Variants in RASGEF1C observed in about 807,000 individuals in gnomAD.
RASGEF1C encodes RasGEF domain family member 1C.
RASGEF1C carries 27 observed loss-of-function variants against 58.1 expected under a neutral mutation model. The observed-to-expected ratio is 0.46, with a 90% CI of 0.34 to 0.64. RASGEF1C has a LOEUF of 0.64. Among genes scored for constraint, RASGEF1C ranks in the 30% least tolerant of loss-of-function variants. The probability of loss-of-function intolerance (pLI) is 0.01; values close to 1 mark genes in which losing one functional copy is unlikely to be tolerated. For missense variants in RASGEF1C, 502 were observed against 605.1 expected (o/e 0.83, Z 1.79); for synonymous variants, 243 against 246.3 (o/e 0.99, Z 0.13).
At chr5:180,140,970 A>G (rs1384553497) in intron 1 of RASGEF1C, among the ~76,000 whole-genome samples, 1 of 152,220 alleles carries the variant, frequency 6.6e-6, no homozygotes, top group South Asian at 2.1e-4. Flanking sequence ...GGGAGTGTGC[A>G]GAGTGATCAG....
At chr5:180,103,239 G>A (rs547454063) in intron 12 of RASGEF1C, among the ~76,000 whole-genome samples, 6 of 152,090 alleles carry the variant, frequency 3.9e-5, no homozygotes, top group Non-Finnish European at 7.4e-5. Context: ...CACCACGCCC[G>A]GCTAATGTTT....
chr5:180,179,204 G>T (rs1767280267), intron 1 of RASGEF1C, among the ~76,000 whole-genome samples: 1 of 152,144 alleles, frequency 6.6e-6, no homozygotes, highest in Non-Finnish European at 1.5e-5. Flanking sequence ...ATGTTTGGAT[G>T]CAGGAGGGGG....
intron 1 of RASGEF1C, among the ~76,000 whole-genome samples, chr5:180,173,877 C>G (rs540193287): frequency 2.7e-5 from 4 of 150,104 alleles, no homozygotes; most frequent in South Asian, 2.1e-4. Context: ...TGTGCCACTG[C>G]ACTCCAGCCT....
rs542896802 is a variant in RASGEF1C, at chr5:180,189,269, C to T, written c.-7+19759G>A. Among the ~76,000 whole-genome samples, 32 of 152,286 alleles carry T rather than the reference C, an allele frequency of 2.1e-4. No individual in the cohort carries two copies. The South Asian group carries it at 3.9e-3, about 19-fold the overall frequency. ...GCTGTAGATGGAAAACTGCAAAATA[C>T]GGCTGAGAGAAATTAAACACGTAAG... On this transcript the variant is annotated intron_variant, in intron 1 of 13. Transcript: ENST00000361132.
chr5:180,162,790 A>G (rs373139841), intron 1 of RASGEF1C, among the ~76,000 whole-genome samples: 37 of 152,298 alleles, frequency 2.4e-4, no homozygotes, highest in Admixed American at 1.6e-3. Flanking sequence ...TGGGAACTGC[A>G]TTACATATGT....
Position 180,137,624 on chromosome 5 carries a change from T to TCG in RASGEF1C, c.264_265dup (p.Glu89AlafsTer121). ...CACCGGCTTGTCCAGCTGCTGCTGC[T>TCG]CGATGCACAGGTGGCAGACCCGGGC... On this transcript the variant is annotated frameshift_variant, in exon 3 of 14. Coordinates refer to ENST00000361132, the MANE Select transcript of RASGEF1C (RefSeq NM_175062.4). LOFTEE classifies it high-confidence loss of function. This position sits in a 1 kb window ranked among gnomAD's most constrained non-coding sequence, Gnocchi z 4.1. The TCG allele has an allele frequency of 6.2e-7, 1 of 1,611,480 alleles. No individual in the cohort carries two copies. Among genetic ancestry groups the TCG allele is most frequent in the Non-Finnish European group, 8.5e-7 (1 of 1,179,654 alleles).
intron 1 of RASGEF1C, among the ~76,000 whole-genome samples, chr5:180,149,818 T>A (rs1195329674): frequency 1.3e-5 from 2 of 152,238 alleles, no homozygotes; most frequent in Admixed American, 1.3e-4. Context: ...TATTTGTTGT[T>A]GTATTTTCCA....
chr5:180,168,942 G>C lies in RASGEF1C; in HGVS notation c.-6-30884C>G, dbSNP rs1224665611. On this transcript the variant is annotated intron_variant, in intron 1 of 13. Coordinates refer to ENST00000361132, the MANE Select transcript of RASGEF1C (RefSeq NM_175062.4). The surrounding 1 kb of genome is among the most constrained non-coding windows in gnomAD (Gnocchi z 6.0). Reference sequence around the variant, plus strand: ...TGAGTGCAGGCTTGGCTAGAGCGGGGGAAAAACGGCAAACCTACTTCCAGC... The same window carrying C: ...TGAGTGCAGGCTTGGCTAGAGCGGGCGAAAAACGGCAAACCTACTTCCAGC... Among the ~76,000 whole-genome samples, 3 of 152,110 alleles carry C rather than the reference G, an allele frequency of 2.0e-5. No individual in the cohort carries two copies. The highest frequency in any genetic ancestry group is 7.2e-5 in the African/African-American group (3 of 41,432).
At position 180,200,310 on chromosome 5, in the gene RASGEF1C, C is replaced by CTTT. The variant is rs762904367; in HGVS notation, c.-7+8715_-7+8717dup. Among the ~76,000 whole-genome samples, 321 of 90,234 alleles carry CTTT rather than the reference C, an allele frequency of 3.6e-3. 22 individuals carry two copies. The highest frequency in any genetic ancestry group is 0.011 in the African/African-American group (283 of 25,402). The allele number at this position is 90,234 out of a possible 152,430, so 59.2% of individuals were successfully genotyped here. On this transcript the variant is annotated intron_variant, in intron 1 of 13. Coordinates refer to ENST00000361132, the MANE Select transcript of RASGEF1C (RefSeq NM_175062.4). ...ATGAAGAGATGAAGAGTACATCATT[C>CTTT]TTTTTTTTTTTTTTTTTGAGATAGA...
chr5:180,105,573 AAG>A (rs1561728412), intron 12 of RASGEF1C, among the ~76,000 whole-genome samples: 1 of 142,074 alleles, frequency 7.0e-6, no homozygotes, highest in African/African-American at 2.6e-5. Flanking sequence ...AAAAAAAAAA[AAG>A]AAGTAAAATA....
intron 8 of RASGEF1C, 32 bp downstream of exon 8, chr5:180,119,314 C>G: frequency 6.4e-7 from 1 of 1,572,636 alleles, no homozygotes; most frequent in Non-Finnish European, 8.8e-7. Flanking sequence ...GACCCGTGCA[C>G]TGGGGGCCAC....
intron 1 of RASGEF1C, among the ~76,000 whole-genome samples, chr5:180,145,252 C>G (rs73352829): frequency 0.058 from 8,816 of 152,280 alleles, 698 homozygotes; most frequent in African/African-American, 0.18. Flanking sequence ...TCTCAAGAAG[C>G]TGGGATTACA....
chr5:180,115,362 A>G (rs1272394668), intron 10 of RASGEF1C: 3 of 402,106 alleles, frequency 7.5e-6, no homozygotes, highest in Non-Finnish European at 4.8e-6. Flanking sequence ...ATCCCGATGC[A>G]CTTACTGTTA....
At chr5:180,185,952 G>A (rs1291921735) in intron 1 of RASGEF1C, among the ~76,000 whole-genome samples, 1 of 151,934 alleles carries the variant, frequency 6.6e-6, no homozygotes, top group East Asian at 1.9e-4. Context: ...GCAAAAATTA[G>A]CCAGGCATGG....
chr5:180,203,027 A>G (rs540712373), intron 1 of RASGEF1C, among the ~76,000 whole-genome samples: 25 of 152,252 alleles, frequency 1.6e-4, no homozygotes, highest in Non-Finnish European at 2.9e-4. Flanking sequence ...TTCTTAAGGA[A>G]CCAACAGAAG....
intron 10 of RASGEF1C, among the ~76,000 whole-genome samples, chr5:180,115,855 G>A (rs557318313): frequency 3.3e-5 from 5 of 152,114 alleles, no homozygotes; most frequent in African/African-American, 9.6e-5. Flanking sequence ...TCACTGTGCC[G>A]GGATCAGTGG....
chr5:180,133,891 G>A (rs978128382), intron 4 of RASGEF1C, among the ~76,000 whole-genome samples: 2 of 152,212 alleles, frequency 1.3e-5, no homozygotes, highest in Non-Finnish European at 2.9e-5. Flanking sequence ...CATTTAGTGA[G>A]TGCTGAAGCA....
chr5:180,151,721 A>G (rs1395220901), intron 1 of RASGEF1C, among the ~76,000 whole-genome samples: 207 of 152,120 alleles, frequency 1.4e-3, no homozygotes, highest in African/African-American at 4.7e-3. Flanking sequence ...GACAAATGGG[A>G]TCTAATTAAA....
intron 6 of RASGEF1C, among the ~76,000 whole-genome samples, chr5:180,124,229 CT>C (rs1410222912): frequency 3.1e-4 from 4 of 12,934 alleles, no homozygotes; most frequent in Non-Finnish European, 1.7e-4. Flanking sequence ...GAGACTCTGT[CT>C]CAAAAAAAAA....
Sources: allele counts gnomAD v4.1 joint callset (sites outside exome capture counted in the v4.1 genomes callset), GRCh38; gene constraint gnomAD v4.1.1; non-coding constraint Gnocchi (gnomAD v3.1); transcripts MANE v1.5; gene names NCBI Gene and HGNC (gene_info 2026-07-23, HGNC 2026-07-21).